RWDD4: variants seen among roughly 807,000 people sequenced by gnomAD.
The protein encoded by RWDD4 is RWD domain containing 4, also known as RWD domain-containing protein 4.
Under a neutral mutation model 30.0 loss-of-function variants are expected in RWDD4, and 16 were observed. The observed-to-expected ratio is 0.53, with a 90% CI of 0.36 to 0.81. The LOEUF (loss-of-function observed/expected upper bound fraction) is 0.81, where lower values mean the gene tolerates loss of function less well. Ranked by LOEUF, RWDD4 falls within the 30% of genes least tolerant of loss-of-function variation. The probability of loss-of-function intolerance (pLI) is 0.00; values close to 1 mark genes in which losing one functional copy is unlikely to be tolerated. For missense variants in RWDD4, 170 were observed against 223.9 expected, an observed-to-expected ratio of 0.76 and a Z score of 1.54; for synonymous variants, 45 against 72.1, an observed-to-expected ratio of 0.62 and a Z score of 1.90.
chr4:183,639,867 G>C lies in RWDD4; in HGVS notation c.*1569C>G, dbSNP rs931819568. 2.0e-5 allele frequency: 3 copies of C among 152,198 alleles called. No homozygotes were observed. The highest frequency in any genetic ancestry group is 2.9e-5 in the Non-Finnish European group (2 of 67,998). The allele number at this position is 152,198 out of a possible 1,614,324, so 9.4% of individuals were successfully genotyped here. The stretch of plus-strand genomic sequence containing the variant: ...AAAATAGTTCATTGGCATGTAACTA[G>C]CATCATTCTCTGTAATCTATGAGCC... On this transcript the variant is annotated 3_prime_UTR_variant, in exon 8 of 8. Coordinates refer to ENST00000326397, the MANE Select transcript of RWDD4 (RefSeq NM_152682.4).
rs1028949945 is a variant in RWDD4 at position 183,651,337 on chromosome 4, A to T, written c.106-10T>A. 1.3e-6 allele frequency: 2 copies of T among 1,590,052 alleles called. No homozygotes were observed. The highest frequency in any genetic ancestry group is 2.7e-5 in the African/African-American group (2 of 74,336). On this transcript the variant is annotated splice_polypyrimidine_tract_variant and intron_variant, in intron 2 of 7. Transcript: ENST00000326397. ...CACCATTTTCACCTATCTGAAGAGA[A>T]GGGGAAATCTTAGGCTTGTAAAAGG...
intron 4 of RWDD4, 137 bp downstream of exon 4, chr4:183,650,847 T>A: frequency 1.4e-6 from 1 of 710,104 alleles, no homozygotes; most frequent in Non-Finnish European, 2.2e-6. Flanking sequence ...TCCATTGTTC[T>A]CATTTAACTC....
At chr4:183,644,129 A>G (rs564609541) in intron 7 of RWDD4, among the ~76,000 whole-genome samples, 2 of 152,320 alleles carry the variant, frequency 1.3e-5, no homozygotes, top group South Asian at 2.1e-4. Context: ...GAGCTGCACT[A>G]AGAGAGGCAA....
intron 7 of RWDD4, among the ~76,000 whole-genome samples, chr4:183,641,757 T>C (rs1232414591): frequency 6.6e-6 from 1 of 152,170 alleles, no homozygotes; most frequent in Admixed American, 6.6e-5. Context: ...AATATACAAA[T>C]AGAAGGTACC....
chr4:183,648,187 T>TGAGCTGA (rs369369056), intron 5 of RWDD4, among the ~76,000 whole-genome samples: 1 of 149,966 alleles, frequency 6.7e-6, no homozygotes. Context: ...GAGGTTGCAG[T>TGAGCTGA]GATCGCGCCA....
chr4:183,650,530 A>G (rs533923425), intron 4 of RWDD4, among the ~76,000 whole-genome samples: 1 of 152,360 alleles, frequency 6.6e-6, no homozygotes, highest in East Asian at 1.9e-4. Flanking sequence ...TAGAAATAAT[A>G]ATAAAACAAT....
intron 2 of RWDD4, among the ~76,000 whole-genome samples, chr4:183,651,723 T>C (rs1734080416): frequency 6.6e-6 from 1 of 152,208 alleles, no homozygotes; most frequent in South Asian, 2.1e-4. Flanking sequence ...ATCTTTGTTT[T>C]AAGTTATCCA....
chr4:183,642,393 G>T, intron 7 of RWDD4, among the ~76,000 whole-genome samples: 1 of 85,974 alleles, frequency 1.2e-5, no homozygotes, highest in African/African-American at 7.6e-5. Context: ...GTTTCACCGT[G>T]TTAGCCAGGA....
intron 7 of RWDD4, 140 bp from the exon 8 acceptor site, chr4:183,641,608 T>C (rs2111224809): frequency 1.5e-6 from 1 of 683,434 alleles, no homozygotes; most frequent in Non-Finnish European, 2.6e-6. Context: ...GTAGCTACTT[T>C]TCAACTTCAA....
intron 7 of RWDD4, among the ~76,000 whole-genome samples, chr4:183,643,674 T>C (rs1211785115): frequency 2.0e-5 from 3 of 152,022 alleles, no homozygotes; most frequent in Non-Finnish European, 4.4e-5. Context: ...CCCAGCACTT[T>C]GGGAGGCCAA....
At chr4:183,655,505 C>G (rs112763522) in intron 2 of RWDD4, among the ~76,000 whole-genome samples, 1 of 151,876 alleles carries the variant, frequency 6.6e-6, no homozygotes, top group Non-Finnish European at 1.5e-5. Flanking sequence ...AGGATGGTCT[C>G]GATCTCCTGA....
chr4:183,652,898 A>T (rs1734112938), intron 2 of RWDD4, among the ~76,000 whole-genome samples: 1 of 151,646 alleles, frequency 6.6e-6, no homozygotes, highest in Non-Finnish European at 1.5e-5. Context: ...ACTTTAAAAA[A>T]CTTTCTGTAG....
chr4:183,653,780 C>T (rs1456371351), intron 2 of RWDD4: 1 of 152,210 alleles, frequency 6.6e-6, no homozygotes, highest in Non-Finnish European at 1.5e-5. Context: ...TACGTCCTTA[C>T]TCATGGCGCA....
At chr4:183,646,374 A>T in intron 6 of RWDD4, 21 bp from the exon 7 acceptor site, 2 of 1,298,418 alleles carry the variant, frequency 1.5e-6, no homozygotes, top group Non-Finnish European at 2.2e-6. Flanking sequence ...AAAAGGAAAC[A>T]GACATCCCAG....
At chr4:183,650,208 C>A (rs1207261165) in intron 4 of RWDD4, among the ~76,000 whole-genome samples, 2 of 152,106 alleles carry the variant, frequency 1.3e-5, no homozygotes, top group Non-Finnish European at 2.9e-5. Flanking sequence ...AGAAACCTGC[C>A]GAAAGTCACA....
chr4:183,650,235 C>A (rs146930138), intron 4 of RWDD4, among the ~76,000 whole-genome samples: 1 of 152,318 alleles, frequency 6.6e-6, no homozygotes, highest in East Asian at 1.9e-4. Context: ...GTGAGTGGTG[C>A]AGTGATGTGA....
chr4:183,643,008 G>A (rs1225663944), intron 7 of RWDD4, among the ~76,000 whole-genome samples: 5 of 149,446 alleles, frequency 3.3e-5, no homozygotes, highest in South Asian at 2.1e-4. Context: ...GCAGTGAGCC[G>A]AGATCGTGTG....
chr4:183,647,351 C>T (rs1208160328), intron 5 of RWDD4, among the ~76,000 whole-genome samples: 1 of 152,110 alleles, frequency 6.6e-6, no homozygotes. Flanking sequence ...ATGATACTTA[C>T]AGGAGAGAAG....
At chr4:183,644,514 C>CA (rs1733928548) in intron 7 of RWDD4, among the ~76,000 whole-genome samples, 2 of 152,218 alleles carry the variant, frequency 1.3e-5, no homozygotes, top group Non-Finnish European at 2.9e-5. Flanking sequence ...CTGTGGCTCA[C>CA]ACCTGTAATA....
Sources: gnomAD v4.1 joint callset for allele counts (sites outside exome capture counted in the v4.1 genomes callset) on GRCh38, gnomAD v4.1.1 for gene constraint, MANE v1.5 for transcripts, NCBI Gene and HGNC (gene_info 2026-07-23, HGNC 2026-07-21) for gene names.